WSCD2: variants seen among roughly 807,000 people sequenced by gnomAD.
The protein encoded by WSCD2 is WSC domain sialate O sulfotransferase 2.
WSCD2 carries 28 observed loss-of-function variants against 55.7 expected under a neutral mutation model. That is an observed-to-expected ratio of 0.50 (90% CI 0.37 to 0.69). The LOEUF (loss-of-function observed/expected upper bound fraction) is 0.69. WSCD2 is among the 30% of genes least tolerant of loss of function. The pLI is 0.00. For missense variants in WSCD2, 616 were observed against 762.1 expected (o/e 0.81, Z 2.26); for synonymous variants, 301 against 301.9 (o/e 1.00, Z 0.03).
chr12:108,148,712 G>A (rs988177375), intron 1 of WSCD2, among the ~76,000 whole-genome samples: 6 of 152,122 alleles, frequency 3.9e-5, no homozygotes, highest in African/African-American at 7.2e-5. Context: ...CTTTGCAAGC[G>A]TTAGATGATG....
At chr12:108,209,904 C>A (rs1247847655) in intron 3 of WSCD2, among the ~76,000 whole-genome samples, 1 of 152,070 alleles carries the variant, frequency 6.6e-6, no homozygotes, top group Non-Finnish European at 1.5e-5. Flanking sequence ...GCCCCCATCT[C>A]CCAGGTCTCC....
chr12:108,153,101 TCAAA>T (rs111444949), intron 1 of WSCD2, among the ~76,000 whole-genome samples: 9,343 of 150,712 alleles, frequency 0.062, 329 homozygotes, highest in Non-Finnish European at 0.076. Context: ...AGACTCTGTC[TCAAA>T]CAAACAAACA....
At chr12:108,189,933 A>G (rs953795220) in intron 1 of WSCD2, among the ~76,000 whole-genome samples, 4 of 152,196 alleles carry the variant, frequency 2.6e-5, no homozygotes, top group African/African-American at 7.2e-5. Flanking sequence ...TATCAGAATG[A>G]AGGGGCACTG....
At position 108,196,147 on chromosome 12, in the gene WSCD2, C is replaced by T. The variant is rs902928991; in HGVS notation, c.315C>T (p.Gly105=). Reference sequence around the variant, plus strand: ...ATGGGAATGAGAGAGCCAAGCTTGGCGACTACGGTGGAGCCTGGAGCCGAG... The same window carrying T: ...ATGGGAATGAGAGAGCCAAGCTTGGTGACTACGGTGGAGCCTGGAGCCGAG... ...GKDGNERAKL[G]DYGGAWSRAL... Residue 105 remains glycine, a synonymous_variant, in exon 2 of 9, where the codon GGC becomes GGT. Coordinates refer to ENST00000547525, the MANE Select transcript of WSCD2 (RefSeq NM_014653.4). The T allele has an allele frequency of 2.5e-6, 4 of 1,614,086 alleles. No homozygotes were observed. Among genetic ancestry groups the T allele is most frequent in the Non-Finnish European group, 1.7e-6 (2 of 1,180,018 alleles).
intron 1 of WSCD2, among the ~76,000 whole-genome samples, chr12:108,187,606 G>GT: frequency 6.6e-6 from 1 of 152,204 alleles, no homozygotes; most frequent in Non-Finnish European, 1.5e-5. Flanking sequence ...TTATAGGGTT[G>GT]TTGTAAGGAT....
At position 108,216,764 on chromosome 12, in the gene WSCD2, G is replaced by A. The variant is rs144040726; in HGVS notation, c.682+6459G>A. ...CAAACCTCAGACGTGTTCCACCTGA[G>A]GAGCAGAAAGCTGCTGTATTTTTTT... On this transcript the variant is annotated intron_variant, in intron 4 of 8. Transcript: ENST00000547525. Among the ~76,000 whole-genome samples the A allele has an allele frequency of 2.5e-3, 380 of 152,332 alleles. 1 individual carries two copies. Among genetic ancestry groups the A allele is most frequent in the Middle Eastern group, 0.017 (5 of 294 alleles).
chr12:108,173,177 G>A (rs1157479874), intron 1 of WSCD2, among the ~76,000 whole-genome samples: 1 of 152,126 alleles, frequency 6.6e-6, no homozygotes, highest in Non-Finnish European at 1.5e-5. Context: ...TGGCACCCTT[G>A]CTGCTGCTTC....
At chr12:108,197,734 G>A (rs1315959369) in intron 2 of WSCD2, among the ~76,000 whole-genome samples, 1 of 151,890 alleles carries the variant, frequency 6.6e-6, no homozygotes, top group Non-Finnish European at 1.5e-5. Flanking sequence ...AAGCCCCAAA[G>A]TCCTCACCAG....
chr12:108,227,372 T>C (rs1456496315), intron 6 of WSCD2, among the ~76,000 whole-genome samples: 4 of 152,240 alleles, frequency 2.6e-5, no homozygotes, highest in African/African-American at 7.2e-5. Flanking sequence ...TGATGACCCA[T>C]CTCTATCCCT....
At chr12:108,142,951 T>C (rs1468095852) in intron 1 of WSCD2, among the ~76,000 whole-genome samples, 4 of 152,158 alleles carry the variant, frequency 2.6e-5, no homozygotes, top group Non-Finnish European at 5.9e-5. Context: ...GCTGAGACTG[T>C]AGGTGGGTGC....
chr12:108,162,379 G>A (rs1879165261), intron 1 of WSCD2, among the ~76,000 whole-genome samples: 1 of 152,004 alleles, frequency 6.6e-6, no homozygotes. Context: ...TTGGAAAATG[G>A]GCTGGGGGAT....
intron 1 of WSCD2, among the ~76,000 whole-genome samples, chr12:108,160,278 C>A (rs1012172098): frequency 6.6e-6 from 1 of 152,174 alleles, no homozygotes; most frequent in Admixed American, 6.5e-5. Context: ...ACCTTAGTTA[C>A]TCTGTAGCTA....
At chr12:108,142,795 T>A (rs1213116290) in intron 1 of WSCD2, among the ~76,000 whole-genome samples, 1 of 151,418 alleles carries the variant, frequency 6.6e-6, no homozygotes, top group East Asian at 1.9e-4. Context: ...TTCTCCTTCC[T>A]TCTCTCTCTC....
chr12:108,184,146 C>A (rs10861877), intron 1 of WSCD2, among the ~76,000 whole-genome samples: 2 of 151,996 alleles, frequency 1.3e-5, no homozygotes, highest in African/African-American at 4.8e-5. Context: ...AGGTTATGAA[C>A]AGTCCTCCCT....
At chr12:108,180,339 G>A (rs913354712) in intron 1 of WSCD2, among the ~76,000 whole-genome samples, 1 of 152,198 alleles carries the variant, frequency 6.6e-6, no homozygotes, top group African/African-American at 2.4e-5. Context: ...GGCTCCCACT[G>A]ATTAGAATAG....
chr12:108,241,636 T>C (rs1593125413), intron 8 of WSCD2, among the ~76,000 whole-genome samples: 1 of 152,234 alleles, frequency 6.6e-6, no homozygotes, highest in African/African-American at 2.4e-5. Flanking sequence ...CTGTACAACA[T>C]AGTGCCTCTA....
chr12:108,135,365 G>C (rs1876080943), intron 1 of WSCD2, among the ~76,000 whole-genome samples: 1 of 152,180 alleles, frequency 6.6e-6, no homozygotes, highest in African/African-American at 2.4e-5. Context: ...GATGAAGCTG[G>C]GTTCCAGTCC....
chr12:108,227,157 A>G lies in WSCD2; in HGVS notation c.972A>G (p.Gln324=). Residue 324 remains glutamine, a synonymous_variant, in exon 6 of 9, where the codon CAA becomes CAG. Transcript: ENST00000547525. ...TPSYFIVYQT[Q]VQDNRCMDRR... ...GTTACTTCATTGTGTACCAGACACA[A>G]GTCCAAGGTGAGCTAGGCCCTTCCC... 6.2e-7 allele frequency: 1 copy of G among 1,613,326 alleles called. No individual in the cohort carries two copies. The highest frequency in any genetic ancestry group is 8.5e-7 in the Non-Finnish European group (1 of 1,179,600).
chr12:108,162,295 A>G (rs1879154327), intron 1 of WSCD2, among the ~76,000 whole-genome samples: 1 of 152,110 alleles, frequency 6.6e-6, no homozygotes, highest in African/African-American at 2.4e-5. Flanking sequence ...AGCTCTTGGA[A>G]TCCTGCCTGT....
Sources: gnomAD v4.1 joint callset for allele counts (sites outside exome capture counted in the v4.1 genomes callset) on GRCh38, gnomAD v4.1.1 for gene constraint, MANE v1.5 for transcripts, NCBI Gene and HGNC (gene_info 2026-07-23, HGNC 2026-07-21) for gene names.